JADE3: variants seen among roughly 807,000 people sequenced by gnomAD.
The protein encoded by JADE3 is jade family PHD finger 3.
A neutral mutation model predicts 50.1 loss-of-function variants in JADE3; 2 were observed. The observed-to-expected ratio is 0.04, with a 90% CI of 0.02 to 0.13. The LOEUF (loss-of-function observed/expected upper bound fraction) is 0.13, where lower values mean the gene tolerates loss of function less well. Ranked by LOEUF, JADE3 falls within the 10% of genes least tolerant of loss-of-function variation. JADE3 has a pLI of 1.00. For synonymous variants in JADE3, 218 were observed against 232.9 expected (o/e 0.94, Z 0.58); for missense variants, 475 against 634.4 (o/e 0.75, Z 2.70).
chrX:46,965,939 G>C (rs907896447), intron 1 of JADE3, among the ~76,000 whole-genome samples: 3 of 112,105 alleles, frequency 2.7e-5, no homozygotes, highest in South Asian at 3.7e-4. Context: ...CTGGCAGTTG[G>C]GTGGAGGGTA....
At position 46,974,082 on chromosome X, in the gene JADE3, GAAAAC is replaced by G. The variant is rs376681989; in HGVS notation, c.-11-10778_-11-10774del. Reference sequence around the variant, plus strand: ...GCAACAAGAGCGAAACTCCATCTCAGAAAACAAAACAAAACAAAACAAAACAAAGA... The same window carrying G: ...GCAACAAGAGCGAAACTCCATCTCAGAAAACAAAACAAAACAAAACAAAGA... On this transcript the variant is annotated intron_variant, in intron 1 of 10. Coordinates refer to ENST00000614628, the MANE Select transcript of JADE3 (RefSeq NM_014735.5). 5.4e-3 allele frequency among the ~76,000 whole-genome samples: 577 copies of G among 106,913 alleles called. 3 individuals are homozygous for G. Among genetic ancestry groups the G allele is most frequent in the African/African-American group, 7.5e-3 (218 of 29,139 alleles). 92.8% of individuals were successfully genotyped at this position (106,913 alleles called of 115,157 possible). A position where few individuals can be genotyped will look rare whatever the true frequency, so the allele number is the denominator to read the frequency against.
intron 4 of JADE3, among the ~76,000 whole-genome samples, chrX:47,013,404 A>G (rs1186744759): frequency 1.8e-5 from 2 of 112,132 alleles, no homozygotes; most frequent in African/African-American, 6.5e-5. Context: ...TCTGTACTTT[A>G]TGCTTCACTC....
intron 1 of JADE3, among the ~76,000 whole-genome samples, chrX:46,971,640 C>T (rs1452071097): frequency 9.5e-6 from 1 of 105,366 alleles, no homozygotes; most frequent in African/African-American, 3.4e-5. Flanking sequence ...CTAAAAAATA[C>T]AAAAAATTAG....
intron 4 of JADE3, among the ~76,000 whole-genome samples, chrX:47,018,049 A>G (rs781859775): frequency 2.7e-5 from 3 of 111,950 alleles, no homozygotes; most frequent in African/African-American, 9.7e-5. Context: ...CCCATATTCA[A>G]TATAACAGGA....
At chrX:46,942,629 G>C (rs1926787826) in intron 1 of JADE3, among the ~76,000 whole-genome samples, 2 of 112,032 alleles carry the variant, frequency 1.8e-5, no homozygotes, top group Non-Finnish European at 3.8e-5. Flanking sequence ...GTTGGGTGAT[G>C]TGATGTCTCC....
chrX:47,009,750 A>G (rs1417477967), intron 4 of JADE3, among the ~76,000 whole-genome samples: 17 of 108,592 alleles, frequency 1.6e-4, no homozygotes, highest in African/African-American at 5.7e-4. Flanking sequence ...TCAGCCTTCC[A>G]AGTAGCTAGG....
At chrX:46,968,054 A>G (rs781851360) in intron 1 of JADE3, among the ~76,000 whole-genome samples, 1 of 111,757 alleles carries the variant, frequency 8.9e-6, no homozygotes, top group African/African-American at 3.3e-5. Flanking sequence ...CCTCCCAATT[A>G]TCCCCAGGCT....
intron 4 of JADE3, among the ~76,000 whole-genome samples, chrX:47,003,949 G>A (rs1928354993): frequency 9.5e-6 from 1 of 105,234 alleles, no homozygotes; most frequent in Non-Finnish European, 1.9e-5. Context: ...GTGAGAGACA[G>A]GGTCTCGCTC....
intron 4 of JADE3, among the ~76,000 whole-genome samples, chrX:47,016,066 G>T (rs1476445753): frequency 9.0e-6 from 1 of 110,820 alleles, no homozygotes; most frequent in African/African-American, 3.3e-5. Context: ...AATCCAGTCA[G>T]CATGAAAAGA....
Position 47,024,649 on chromosome X carries a change from C to T in JADE3, c.285-75C>T, listed in dbSNP as rs1339535100. On this transcript the variant is annotated intron_variant, in intron 4 of 10. Coordinates refer to ENST00000614628, the MANE Select transcript of JADE3 (RefSeq NM_014735.5). ...GGAATCTGCCATACCTCCCAGAGGGCATTTAGCCATCCATTCAGTGCCTGA... is the reference window on the plus strand; with the variant it reads ...GGAATCTGCCATACCTCCCAGAGGGTATTTAGCCATCCATTCAGTGCCTGA... The T allele has an allele frequency of 6.6e-6, 4 of 607,353 alleles. No individual in the cohort carries two copies. In the East Asian group the frequency reaches 1.0e-4, roughly 16 times the overall value. The allele number at this position is 607,353 out of a possible 1,213,427, so 50.1% of individuals were successfully genotyped here. A position where few individuals can be genotyped will look rare whatever the true frequency, so the allele number is the denominator to read the frequency against.
At chrX:46,975,823 G>A (rs1378409825) in intron 1 of JADE3, among the ~76,000 whole-genome samples, 1 of 97,764 alleles carries the variant, frequency 1.0e-5, no homozygotes. Flanking sequence ...AGGTTCAAGC[G>A]ATTCTCATGC....
intron 3 of JADE3, among the ~76,000 whole-genome samples, chrX:46,994,253 T>C (rs1181246938): frequency 8.9e-6 from 1 of 112,003 alleles, no homozygotes; most frequent in East Asian, 2.8e-4. Context: ...ATGTTCTAAT[T>C]GAATTCATAG....
chrX:47,006,487 CAG>C (rs1478427943), intron 4 of JADE3, among the ~76,000 whole-genome samples: 40 of 90,478 alleles, frequency 4.4e-4, no homozygotes, highest in Admixed American at 2.8e-3. Context: ...TTTTTAGAGA[CAG>C]GGGTTTCGCC....
chrX:47,054,277 G>A lies in JADE3; in HGVS notation c.1092G>A (p.Lys364=), dbSNP rs797042150. 9.1e-6 allele frequency: 11 copies of A among 1,209,455 alleles called. No homozygotes were observed. Among genetic ancestry groups the A allele is most frequent in the East Asian group, 5.9e-5 (2 of 33,793 alleles). The change falls in exon 9 of 11, where the codon AAG becomes AAA. Residue 364 remains lysine, a synonymous_variant. Transcript: ENST00000614628. ...DEVKFKSYCL[K]HSQNRQKLGE... Reference sequence around the variant, plus strand: ...TGAAGTTCAAGTCATATTGCCTCAAGCATAGCCAAAACAGGCAGAAACTTG... The same window carrying A: ...TGAAGTTCAAGTCATATTGCCTCAAACATAGCCAAAACAGGCAGAAACTTG...
chrX:46,944,612 C>G (rs1047605583), intron 1 of JADE3, among the ~76,000 whole-genome samples: 7 of 110,329 alleles, frequency 6.3e-5, no homozygotes. Flanking sequence ...CTGGCCTTTT[C>G]TCACTTCTTG....
intron 4 of JADE3, among the ~76,000 whole-genome samples, chrX:47,021,125 C>G (rs1290073149): frequency 9.1e-6 from 1 of 110,034 alleles, no homozygotes; most frequent in African/African-American, 3.3e-5. Context: ...CCCAAGAACC[C>G]CTCCTTCTTC....
chrX:46,989,866 T>C (rs567886271), intron 3 of JADE3, among the ~76,000 whole-genome samples: 1 of 110,661 alleles, frequency 9.0e-6, no homozygotes, highest in East Asian at 2.8e-4. Context: ...TTCCCACAGG[T>C]CCCTCAGGCA....
At chrX:47,007,043 A>G (rs782587287) in intron 4 of JADE3, among the ~76,000 whole-genome samples, 10 of 109,270 alleles carry the variant, frequency 9.2e-5, no homozygotes, top group South Asian at 8.1e-4. Flanking sequence ...GGCTCAAGCA[A>G]TCCTCCCACC....
At chrX:47,005,164 A>C (rs781949855) in intron 4 of JADE3, among the ~76,000 whole-genome samples, 1 of 112,039 alleles carries the variant, frequency 8.9e-6, no homozygotes, top group Non-Finnish European at 1.9e-5. Context: ...AAAACAAAAA[A>C]CAAAAACTAA....
Sources: allele counts gnomAD v4.1 joint callset (sites outside exome capture counted in the v4.1 genomes callset), GRCh38; gene constraint gnomAD v4.1.1; transcripts MANE v1.5; gene names NCBI Gene and HGNC (gene_info 2026-07-23, HGNC 2026-07-21).